HIPK3: variants seen among roughly 807,000 people sequenced by gnomAD.
The protein encoded by HIPK3 is homeodomain-interacting protein kinase 3.
HIPK3 carries 47 observed loss-of-function variants against 124.2 expected under a neutral mutation model. That is an observed-to-expected ratio of 0.38 (90% confidence interval 0.30 to 0.48). The LOEUF (loss-of-function observed/expected upper bound fraction) is 0.48. HIPK3 is among the 20% of genes least tolerant of loss of function. The probability of loss-of-function intolerance (pLI) is 0.98; values close to 1 mark genes in which losing one functional copy is unlikely to be tolerated. For synonymous variants in HIPK3, 482 were observed against 515.2 expected (o/e 0.94, Z 0.87); for missense variants, 1,286 against 1,454.3 (o/e 0.88, Z 1.88).
At chr11:33,330,218 T>C (rs867341763) in intron 3 of HIPK3, among the ~76,000 whole-genome samples, 7 of 152,250 alleles carry the variant, frequency 4.6e-5, no homozygotes, top group East Asian at 1.9e-4. Context: ...CTGATCCAGA[T>C]TGACAATGTT....
At position 33,348,167 on chromosome 11, in the gene HIPK3, G is replaced by C; in HGVS notation, c.2308G>C (p.Gly770Arg). The C allele has an allele frequency of 4.3e-6, 7 of 1,613,758 alleles. No individual in the cohort carries two copies. Among genetic ancestry groups the C allele is most frequent in the Non-Finnish European group, 5.9e-6 (7 of 1,179,802 alleles). The change falls in exon 12 of 17, where the codon GGT becomes CGT. Residue 770 changes from glycine to arginine, a missense_variant and splice_region_variant. Physicochemically the swap from Gly to Arg is moderately radical, Grantham distance 125. Coordinates refer to ENST00000303296, the MANE Select transcript of HIPK3 (RefSeq NM_005734.5). The part of the protein sequence containing the change: ...TKKNKQCQNR[G>R]ILVKLMEWEP... ...CCAGCTCCCTTCTCAATTTCTCAGA[G>C]GTATTTTGGTAAAACTAATGGAATG...
intron 2 of HIPK3, among the ~76,000 whole-genome samples, chr11:33,307,662 TC>T (rs1852205142): frequency 6.6e-6 from 1 of 151,858 alleles, no homozygotes; most frequent in Admixed American, 6.6e-5. Flanking sequence ...CGCCTCGGCC[TC>T]CCAAAGTGCT....
chr11:33,327,498 G>A (rs1852845097), intron 2 of HIPK3, among the ~76,000 whole-genome samples: 1 of 152,178 alleles, frequency 6.6e-6, no homozygotes, highest in Non-Finnish European at 1.5e-5. Context: ...TTGCCAAAAA[G>A]GACGGTATTA....
intron 14 of HIPK3, among the ~76,000 whole-genome samples, chr11:33,350,511 TAAAA>T (rs530470962): frequency 1.4e-4 from 19 of 132,310 alleles, no homozygotes; most frequent in Admixed American, 1.4e-3. Flanking sequence ...TACCAAAAAT[TAAAA>T]AAAAAAAAAA....
rs757621473 is a variant in HIPK3 at position 33,347,318 on chromosome 11, C to T, written c.1923C>T (p.Pro641=). The T allele has an allele frequency of 1.7e-5, 27 of 1,613,372 alleles. No homozygotes were observed. The highest frequency in any genetic ancestry group is 2.2e-5 in the Non-Finnish European group (26 of 1,179,454). The part of the protein sequence containing the change: ...IQGIPATHGK[P]TSYSIRVDNT... ...GTATTCCTGCAACACATGGTAAACCCACCAGTTATTCAATAAGGGTAGATA... is the reference window on the plus strand; with the variant it reads ...GTATTCCTGCAACACATGGTAAACCTACCAGTTATTCAATAAGGGTAGATA... Residue 641 remains proline (P), a synonymous_variant, in exon 9 of 17, where the codon CCC becomes CCT. Transcript: ENST00000303296.
At chr11:33,277,669 G>A (rs1851307090) in intron 1 of HIPK3, among the ~76,000 whole-genome samples, 1 of 152,150 alleles carries the variant, frequency 6.6e-6, no homozygotes. Context: ...GTGCATATTT[G>A]TGAGAATTTC....
chr11:33,279,441 A>G (rs1851357532), intron 1 of HIPK3, among the ~76,000 whole-genome samples: 1 of 152,038 alleles, frequency 6.6e-6, no homozygotes, highest in Admixed American at 6.5e-5. Flanking sequence ...ATTGAATATA[A>G]CTTGGTAAAG....
At chr11:33,322,000 TTTA>T (rs929851626) in intron 2 of HIPK3, among the ~76,000 whole-genome samples, 1 of 151,984 alleles carries the variant, frequency 6.6e-6, no homozygotes, top group African/African-American at 2.4e-5. Context: ...ACTTTTTATT[TTTA>T]TTATTATTTT....
At chr11:33,294,159 G>GA (rs34635630) in intron 2 of HIPK3, among the ~76,000 whole-genome samples, 4,499 of 144,446 alleles carry the variant, frequency 0.031, 100 homozygotes, top group African/African-American at 0.054. Context: ...ATCTGAAAAA[G>GA]AAAAAAAAAA....
chr11:33,267,115 T>C (rs1412257957), intron 1 of HIPK3, among the ~76,000 whole-genome samples: 1 of 152,066 alleles, frequency 6.6e-6, no homozygotes, highest in African/African-American at 2.4e-5. Flanking sequence ...GGCGAAAACA[T>C]TTCCAGCTTT....
chr11:33,350,201 T>C (rs1401080850), intron 14 of HIPK3, among the ~76,000 whole-genome samples: 1 of 152,224 alleles, frequency 6.6e-6, no homozygotes, highest in African/African-American at 2.4e-5. Flanking sequence ...AATGAAGTAC[T>C]CACTGGCCCA....
intron 1 of HIPK3, among the ~76,000 whole-genome samples, chr11:33,272,832 C>T (rs1851170409): frequency 9.5e-5 from 2 of 21,004 alleles, no homozygotes; most frequent in Non-Finnish European, 2.2e-4. Context: ...TTTCTTCCTC[C>T]CCTCCCCTCC....
chr11:33,343,247 T>TTGTGTGTGTGTGTG (rs3884092), intron 8 of HIPK3, among the ~76,000 whole-genome samples: 52 of 141,494 alleles, frequency 3.7e-4, no homozygotes, highest in Admixed American at 1.1e-3. Context: ...TTATTTGATT[T>TTGTGTGTGTGTGTG]TGTGTGTGTG....
In HIPK3 at chr11:33,311,828, C is replaced by T. The variant is rs922649996; in HGVS notation, c.1098-16682C>T. On this transcript the variant is annotated intron_variant, in intron 2 of 16. Transcript: ENST00000303296. ...GAGCAGCTTGGGCAACATAGCAGGA[C>T]CCTGTTTCTACACACACACACACAC... Among the ~76,000 whole-genome samples, 7 of 99,946 alleles carry T rather than the reference C, an allele frequency of 7.0e-5. No homozygotes were observed. The East Asian group carries it at 1.8e-3, about 25-fold the overall frequency. 65.6% of individuals were successfully genotyped at this position (99,946 alleles called of 152,430 possible).
At chr11:33,333,560 A>T (rs1165992051) in intron 3 of HIPK3, among the ~76,000 whole-genome samples, 2 of 152,218 alleles carry the variant, frequency 1.3e-5, no homozygotes, top group Admixed American at 1.3e-4. Flanking sequence ...TCCACTGGAG[A>T]TGGAGGAAGG....
intron 1 of HIPK3, among the ~76,000 whole-genome samples, chr11:33,261,843 ATCAGCCTCCCCTTT>A (rs917807666): frequency 6.6e-6 from 1 of 152,214 alleles, no homozygotes; most frequent in Admixed American, 6.6e-5. Flanking sequence ...CCAACAGTGT[ATCAGCCTCCCCTTT>A]TCTCTGCAAC....
At chr11:33,284,930 A>G (rs1236705129) in intron 1 of HIPK3, among the ~76,000 whole-genome samples, 1 of 152,174 alleles carries the variant, frequency 6.6e-6, no homozygotes, top group Non-Finnish European at 1.5e-5. Flanking sequence ...TTTTCTAGCT[A>G]TGGTACTGAG....
intron 2 of HIPK3, among the ~76,000 whole-genome samples, chr11:33,301,084 A>C (rs1304928418): frequency 1.3e-5 from 2 of 152,218 alleles, no homozygotes; most frequent in African/African-American, 4.8e-5. Flanking sequence ...CAATTTTGAT[A>C]CCTGAGAGTT....
chr11:33,348,813 C>CA lies in HIPK3; in HGVS notation c.2662dup (p.Arg888LysfsTer4). 1 of 1,612,220 alleles carries CA rather than the reference C, an allele frequency of 6.2e-7. No individual in the cohort carries two copies. Among genetic ancestry groups the CA allele is most frequent in the Non-Finnish European group, 8.5e-7 (1 of 1,178,460 alleles). On this transcript the variant is annotated frameshift_variant, in exon 13 of 17. Transcript: ENST00000303296. LOFTEE classifies it high-confidence loss of function. Reference sequence around the variant, plus strand: ...AAGAGACTTCCCAGAGACATTCACTCAGAGAGTAAGTGCCAAACGCTGCAT... The same window carrying CA: ...AAGAGACTTCCCAGAGACATTCACTCAAGAGAGTAAGTGCCAAACGCTGCAT...
Sources: allele counts gnomAD v4.1 joint callset (sites outside exome capture counted in the v4.1 genomes callset), GRCh38; gene constraint gnomAD v4.1.1; transcripts MANE v1.5; gene names NCBI Gene and HGNC (gene_info 2026-07-23, HGNC 2026-07-21).